Variants in GPC6 observed in about 807,000 individuals in gnomAD.
The protein encoded by GPC6 is glypican 6.
In GPC6, 14 loss-of-function variants were observed where a neutral mutation model predicts 55.2. That is an observed-to-expected ratio of 0.25 (90% confidence interval 0.17 to 0.40). GPC6 has a LOEUF of 0.40. Ranked by LOEUF, GPC6 falls within the 10% of genes least tolerant of loss-of-function variation. The pLI is 1.00. For missense variants in GPC6, 641 were observed against 708.5 expected (o/e 0.90, Z 1.08); for synonymous variants, 278 against 259.6 (o/e 1.07, Z -0.68).
chr13:93,645,224 G>A (rs1390135552), intron 2 of GPC6, among the ~76,000 whole-genome samples: 1 of 149,610 alleles, frequency 6.7e-6, no homozygotes, highest in South Asian at 2.1e-4. Context: ...TACCTTATAA[G>A]TAAAATGCAA....
Position 94,271,083 on chromosome 13 carries a change from C to T in GPC6, c.878-15266C>T, listed in dbSNP as rs551439273. Among the ~76,000 whole-genome samples, 13 of 142,224 alleles carry T rather than the reference C, an allele frequency of 9.1e-5. No individual in the cohort carries two copies. In the East Asian group the frequency reaches 2.2e-3, roughly 24 times the overall value. The allele number at this position is 142,224 out of a possible 152,430, so 93.3% of individuals were successfully genotyped here. The stretch of plus-strand genomic sequence containing the variant: ...CGGCTCACTGCAAGCTCCAGCTTCC[C>T]AGGTTCATGCCATTCTCCTGCCTCA... On this transcript the variant is annotated intron_variant, in intron 4 of 8. Coordinates refer to ENST00000377047, the MANE Select transcript of GPC6 (RefSeq NM_005708.5).
chr13:93,590,590 C>T (rs1210719511), intron 2 of GPC6, among the ~76,000 whole-genome samples: 1 of 151,856 alleles, frequency 6.6e-6, no homozygotes, highest in Non-Finnish European at 1.5e-5. Flanking sequence ...TTTTCGATAA[C>T]AATAAGTTTT....
chr13:94,183,133 C>T (rs1351405286), intron 4 of GPC6, among the ~76,000 whole-genome samples: 1 of 152,152 alleles, frequency 6.6e-6, no homozygotes, highest in Non-Finnish European at 1.5e-5. Flanking sequence ...TAATTTCGTG[C>T]AACCATTACC....
intron 1 of GPC6, among the ~76,000 whole-genome samples, chr13:93,518,898 C>A (rs531818649): frequency 1.3e-5 from 2 of 151,878 alleles, no homozygotes; most frequent in Non-Finnish European, 2.9e-5. Flanking sequence ...CAGGGATTAG[C>A]AAACTAAGGT....
At chr13:93,431,441 AT>A (rs1165453375) in intron 1 of GPC6, among the ~76,000 whole-genome samples, 10 of 152,170 alleles carry the variant, frequency 6.6e-5, no homozygotes, top group Non-Finnish European at 1.0e-4. Context: ...ATATAAAAAA[AT>A]ACATAACAGA....
At chr13:93,434,102 C>A (rs890345904) in intron 1 of GPC6, among the ~76,000 whole-genome samples, 1 of 152,198 alleles carries the variant, frequency 6.6e-6, no homozygotes, top group Non-Finnish European at 1.5e-5. Context: ...TGCTCTCTGG[C>A]ATCCAGGGAC....
intron 2 of GPC6, among the ~76,000 whole-genome samples, chr13:93,556,209 C>G (rs1875454218): frequency 6.6e-6 from 1 of 151,822 alleles, no homozygotes; most frequent in Non-Finnish European, 1.5e-5. Flanking sequence ...AATTATTATC[C>G]TTTTTCCATT....
chr13:93,572,379 G>C (rs1425291805), intron 2 of GPC6, among the ~76,000 whole-genome samples: 2 of 152,098 alleles, frequency 1.3e-5, no homozygotes, highest in Non-Finnish European at 2.9e-5. Context: ...ATGAGAACTT[G>C]GAATGATATA....
intron 1 of GPC6, among the ~76,000 whole-genome samples, chr13:93,523,030 T>TAC (rs1881481712): frequency 6.8e-6 from 1 of 146,708 alleles, no homozygotes; most frequent in African/African-American, 2.5e-5. Flanking sequence ...TATATATATA[T>TAC]ACAAATACAT....
At chr13:94,350,059 CAT>C (rs774339689) in intron 6 of GPC6, among the ~76,000 whole-genome samples, 59 of 139,346 alleles carry the variant, frequency 4.2e-4, no homozygotes, top group African/African-American at 1.6e-3. Flanking sequence ...TATATATATA[CAT>C]ATATATATAT....
chr13:93,634,567 G>A (rs1879614097), intron 2 of GPC6, among the ~76,000 whole-genome samples: 1 of 152,130 alleles, frequency 6.6e-6, no homozygotes, highest in African/African-American at 2.4e-5. Flanking sequence ...CCAGACATAT[G>A]TTTTGTGGTT....
chr13:93,355,807 C>T (rs867583769), intron 1 of GPC6, among the ~76,000 whole-genome samples: 9 of 151,744 alleles, frequency 5.9e-5, no homozygotes, highest in African/African-American at 1.9e-4. Context: ...TGGTGCTGCA[C>T]GTTATGGGGG....
intron 2 of GPC6, among the ~76,000 whole-genome samples, chr13:93,619,346 G>T (rs1233523563): frequency 3.9e-5 from 6 of 152,084 alleles, no homozygotes; most frequent in Non-Finnish European, 7.4e-5. Flanking sequence ...TGACTACATG[G>T]ATTATTTTAA....
intron 1 of GPC6, among the ~76,000 whole-genome samples, chr13:93,230,438 G>A (rs1045222945): frequency 6.6e-6 from 1 of 152,122 alleles, no homozygotes; most frequent in Non-Finnish European, 1.5e-5. Context: ...TGCACCATCA[G>A]TTTTCACTCA....
intron 2 of GPC6, among the ~76,000 whole-genome samples, chr13:93,627,969 A>C (rs1238648197): frequency 6.6e-6 from 1 of 152,146 alleles, no homozygotes; most frequent in Non-Finnish European, 1.5e-5. Context: ...TTCTAGGGAG[A>C]ACTAAGGTTT....
chr13:93,522,532 A>G (rs538074826), intron 1 of GPC6, among the ~76,000 whole-genome samples: 25 of 152,018 alleles, frequency 1.6e-4, no homozygotes, highest in African/African-American at 5.8e-4. Context: ...TTATCCTTTA[A>G]CAATATTCCC....
At chr13:93,891,669 C>G in intron 3 of GPC6, among the ~76,000 whole-genome samples, 1 of 151,972 alleles carries the variant, frequency 6.6e-6, no homozygotes, top group East Asian at 1.9e-4. Flanking sequence ...CACACACATT[C>G]TATACACACT....
At chr13:94,101,284 A>C (rs1307285283) in intron 4 of GPC6, among the ~76,000 whole-genome samples, 1 of 152,212 alleles carries the variant, frequency 6.6e-6, no homozygotes, top group Non-Finnish European at 1.5e-5. Context: ...ACAACAGTAA[A>C]TGTTTGCACC....
At chr13:93,424,220 C>T (rs542226712) in intron 1 of GPC6, among the ~76,000 whole-genome samples, 2 of 152,194 alleles carry the variant, frequency 1.3e-5, no homozygotes, top group East Asian at 3.9e-4. Context: ...CAGCTGGTGT[C>T]ACCTCTGAGG....
Sources: allele counts gnomAD v4.1 joint callset (sites outside exome capture counted in the v4.1 genomes callset), GRCh38; gene constraint gnomAD v4.1.1; transcripts MANE v1.5; gene names NCBI Gene and HGNC (gene_info 2026-07-23, HGNC 2026-07-21).